The following TCFL5 variants were observed in gnomAD, a reference collection of about 807,000 sequenced individuals.
TCFL5 encodes transcription factor like 5.
Under a neutral mutation model 44.3 loss-of-function variants are expected in TCFL5, and 9 were observed. The observed-to-expected ratio is 0.20, with a 90% CI of 0.12 to 0.35. TCFL5 has a LOEUF of 0.35. TCFL5 is among the 10% of genes least tolerant of loss of function. The probability of loss-of-function intolerance (pLI) is 1.00; values close to 1 mark genes in which losing one functional copy is unlikely to be tolerated. For missense variants in TCFL5, 603 were observed against 613.4 expected, an observed-to-expected ratio of 0.98 and a Z score of 0.18; for synonymous variants, 319 against 271.6, an observed-to-expected ratio of 1.17 and a Z score of -1.72.
At chr20:62,844,756 C>A (rs571109533) in intron 5 of TCFL5, 405 of 445,490 alleles carry the variant, frequency 9.1e-4, no homozygotes, top group African/African-American at 8.2e-3. Context: ...CCACCACACC[C>A]GGCTAATTTT....
chr20:62,859,414 A>G lies in TCFL5; in HGVS notation c.944T>C (p.Leu315Ser), dbSNP rs1396272037. The G allele has an allele frequency of 6.2e-7, 1 of 1,613,490 alleles. No individual in the cohort carries two copies. The highest frequency in any genetic ancestry group is 1.1e-5 in the South Asian group (1 of 91,050). The change falls in exon 3 of 6, where the codon TTA (leucine) becomes TCA (serine). Residue 315 changes from leucine (L) to serine (S), a missense_variant. This residue lies in a region of TCFL5 where 540 missense variants were observed against 478.7 expected (regional missense o/e 1.13). Coordinates refer to ENST00000335351, the MANE Select transcript of TCFL5 (RefSeq NM_006602.4). ...AGGCAAAACTTTGTTTCTACTACCT[A>G]ACGTCTGTTTAGTGGATTCAATTTC... ...QQEIESTKQT[L>S]GSRNKVLPEQ...
At chr20:62,849,911 T>C (rs995987244) in intron 5 of TCFL5, among the ~76,000 whole-genome samples, 19 of 152,044 alleles carry the variant, frequency 1.2e-4, no homozygotes, top group African/African-American at 4.4e-4. Context: ...GCCATAATCA[T>C]GTTACTGCAC....
chr20:62,860,359 G>A (rs970917461), intron 1 of TCFL5, 51 bp from the exon 2 acceptor site: 2 of 1,526,366 alleles, frequency 1.3e-6, no homozygotes, highest in Non-Finnish European at 1.8e-6. Context: ...TGGCAGACAA[G>A]CATCCACCAT....
Position 62,861,712 on chromosome 20 carries a change from CGGCGGGCGGCGGGA to C in TCFL5, c.-56_-43del, listed in dbSNP as rs1480695587. 0.052 allele frequency: 7,563 copies of C among 145,962 alleles called. 368 individuals carry two copies. Among genetic ancestry groups the C allele is most frequent in the East Asian group, 0.22 (1,010 of 4,606 alleles). The allele number at this position is 145,962 out of a possible 1,614,324, so 9.0% of individuals were successfully genotyped here. Reference sequence around the variant, plus strand: ...CCAACGGCGGCGAGGGCGACGCGGGCGGCGGGCGGCGGGAGGCGGGAGGCGGGAGGCGGGAGGCG... The same window carrying C: ...CCAACGGCGGCGAGGGCGACGCGGGCGGCGGGAGGCGGGAGGCGGGAGGCG... On this transcript the variant is annotated 5_prime_UTR_variant, in exon 1 of 6. Transcript: ENST00000335351. The surrounding 1 kb of genome is among the most constrained non-coding windows in gnomAD (Gnocchi z 4.0).
intron 5 of TCFL5, chr20:62,845,084 A>T: frequency 1.0e-6 from 1 of 984,484 alleles, no homozygotes; most frequent in Non-Finnish European, 1.2e-6. Context: ...GTGCACTCAG[A>T]ATCTACACCT....
chr20:62,854,274 T>TG (rs1203239864), intron 4 of TCFL5, 117 bp from the exon 5 acceptor site: 1 of 1,344,430 alleles, frequency 7.4e-7, no homozygotes, highest in Admixed American at 2.6e-5. Context: ...GGCCACTGAG[T>TG]GCCACGGAAG....
intron 4 of TCFL5, among the ~76,000 whole-genome samples, chr20:62,854,840 T>C (rs1172876035): frequency 6.6e-6 from 1 of 152,232 alleles, no homozygotes; most frequent in African/African-American, 2.4e-5. Context: ...CACCCGTCTA[T>C]TTAGAACTTT....
At chr20:62,843,216 T>C (rs2063699386) in intron 5 of TCFL5, among the ~76,000 whole-genome samples, 2 of 152,178 alleles carry the variant, frequency 1.3e-5, no homozygotes, top group Admixed American at 6.5e-5. Context: ...AATGTGATGT[T>C]TGGATCCTGA....
intron 5 of TCFL5, among the ~76,000 whole-genome samples, chr20:62,847,030 C>T (rs1369355279): frequency 6.6e-6 from 1 of 151,556 alleles, no homozygotes; most frequent in Non-Finnish European, 1.5e-5. Context: ...AATAAAAATA[C>T]AAAATTTGCC....
chr20:62,858,219 G>T (rs2063925773), intron 3 of TCFL5, among the ~76,000 whole-genome samples: 1 of 152,220 alleles, frequency 6.6e-6, no homozygotes, highest in Non-Finnish European at 1.5e-5. Flanking sequence ...CTTTTCTGCT[G>T]CGTGACAGGC....
chr20:62,849,705 T>G (rs907895888), intron 5 of TCFL5, among the ~76,000 whole-genome samples: 19 of 152,272 alleles, frequency 1.2e-4, no homozygotes, highest in African/African-American at 4.3e-4. Flanking sequence ...ATGCTTGTAA[T>G]CCCAGCACTT....
intron 5 of TCFL5, among the ~76,000 whole-genome samples, chr20:62,853,073 CCGCAGAAG>C (rs2063835334): frequency 5.3e-5 from 8 of 150,836 alleles, no homozygotes; most frequent in East Asian, 1.9e-4. Flanking sequence ...GTCACCCGGT[CCGCAGAAG>C]CACAGTCACC....
At position 62,842,186 on chromosome 20, in the gene TCFL5, TAAGTA is replaced by T. The variant is rs559629855; in HGVS notation, c.1381-94_1381-90del. The T allele has an allele frequency of 4.2e-5, 64 of 1,537,722 alleles. No homozygotes were observed. Among genetic ancestry groups the T allele is most frequent in the African/African-American group, 5.5e-5 (4 of 72,956 alleles). On this transcript the variant is annotated intron_variant, in intron 5 of 5. Coordinates refer to ENST00000335351, the MANE Select transcript of TCFL5 (RefSeq NM_006602.4). This position sits in a 1 kb window ranked among gnomAD's most constrained non-coding sequence, Gnocchi z 4.3. ...AGTGCAAAAGGTTCAAATTAAGAGC[TAAGTA>T]AATGACTTTAGAATACGCTGTTTTA... is the stretch of plus-strand genomic sequence containing the variant.
chr20:62,855,533 G>A (rs180892955), intron 4 of TCFL5, among the ~76,000 whole-genome samples: 233 of 152,310 alleles, frequency 1.5e-3, no homozygotes, highest in South Asian at 0.015. Context: ...TTGGGAGGCC[G>A]AGGCACGTGG....
At chr20:62,859,194 C>T (rs959382625) in intron 3 of TCFL5, among the ~76,000 whole-genome samples, 170 bp downstream of exon 3, 1 of 152,234 alleles carries the variant, frequency 6.6e-6, no homozygotes, top group Non-Finnish European at 1.5e-5. Context: ...ATGTTTAAAG[C>T]GAAAAGACAG....
At chr20:62,845,843 C>G (rs1170804042) in intron 5 of TCFL5, 4 of 1,592,218 alleles carry the variant, frequency 2.5e-6, no homozygotes, top group Non-Finnish European at 3.4e-6. Context: ...TGATTTATGA[C>G]AAAGATCAGT....
chr20:62,859,258 C>CAT, intron 3 of TCFL5, 106 bp downstream of exon 3: 1 of 1,119,286 alleles, frequency 8.9e-7, no homozygotes, highest in Non-Finnish European at 1.3e-6. Context: ...GACTGTTTCA[C>CAT]ATGTGTACAA....
chr20:62,853,373 G>A lies in TCFL5; in HGVS notation c.1380+643C>T, dbSNP rs183895268. Among the ~76,000 whole-genome samples, 741 of 152,096 alleles carry A rather than the reference G, an allele frequency of 4.9e-3. 5 individuals carry two copies. Among genetic ancestry groups the A allele is most frequent in the African/African-American group, 0.016 (675 of 41,436 alleles). ...TTGGGGTGGGTGGGGGTGGGGCAGG[G>A]TCTTGCCCTGTTGCCCAGGCTGGAG... is the stretch of plus-strand genomic sequence containing the variant. On this transcript the variant is annotated intron_variant, in intron 5 of 5. Coordinates refer to ENST00000335351, the MANE Select transcript of TCFL5 (RefSeq NM_006602.4).
chr20:62,844,639 G>T, intron 5 of TCFL5, among the ~76,000 whole-genome samples: 1 of 148,610 alleles, frequency 6.7e-6, no homozygotes, highest in Non-Finnish European at 1.5e-5. Flanking sequence ...GTGCAACAGC[G>T]TGATCTCAGC....
Sources: gnomAD v4.1 joint callset for allele counts (sites outside exome capture counted in the v4.1 genomes callset) on GRCh38, gnomAD v4.1.1 for gene constraint, gnomAD v4.1.1 regional missense constraint, Gnocchi (gnomAD v3.1) non-coding constraint, MANE v1.5 for transcripts, NCBI Gene and HGNC (gene_info 2026-07-23, HGNC 2026-07-21) for gene names.